The following ULK4 variants were observed in gnomAD, a reference collection of about 807,000 sequenced individuals.
ULK4 encodes the protein inactive serine/threonine-protein kinase ULK4.
A neutral mutation model predicts 160.6 loss-of-function variants in ULK4; 133 were observed. The observed-to-expected ratio is 0.83, with a 90% confidence interval of 0.72 to 0.96. ULK4 has a LOEUF of 0.96. ULK4 is among the 40% of genes least tolerant of loss of function. ULK4 has a pLI of 0.00. For missense variants in ULK4, 1,580 were observed against 1,499.5 expected (o/e 1.05, Z -0.89); for synonymous variants, 534 against 539.8 (o/e 0.99, Z 0.15).
At chr3:41,488,088 C>A (rs943406413) in intron 32 of ULK4, among the ~76,000 whole-genome samples, 1 of 152,140 alleles carries the variant, frequency 6.6e-6, no homozygotes, top group African/African-American at 2.4e-5. Context: ...AGTAGAAATA[C>A]ATGCAAGGCA....
chr3:41,651,866 A>G (rs1362454337), intron 30 of ULK4, among the ~76,000 whole-genome samples: 1 of 152,184 alleles, frequency 6.6e-6, no homozygotes, highest in Admixed American at 6.5e-5. Flanking sequence ...CTAGCTTCCA[A>G]CATAAGCATG....
At chr3:41,370,127 G>C (rs7637424) in intron 35 of ULK4, among the ~76,000 whole-genome samples, 90 of 151,748 alleles carry the variant, frequency 5.9e-4, no homozygotes, top group African/African-American at 2.1e-3. Flanking sequence ...AACCTGCTCA[G>C]AACCATTACA....
At chr3:41,876,851 A>C (rs1697321537) in intron 17 of ULK4, among the ~76,000 whole-genome samples, 1 of 152,198 alleles carries the variant, frequency 6.6e-6, no homozygotes, top group Non-Finnish European at 1.5e-5. Flanking sequence ...CCTTTGGCAC[A>C]AAGGGAGAGA....
intron 34 of ULK4, among the ~76,000 whole-genome samples, chr3:41,413,886 T>TA (rs1235427504): frequency 1.3e-5 from 2 of 152,148 alleles, no homozygotes; most frequent in Non-Finnish European, 2.9e-5. Context: ...GAACTTCAGA[T>TA]AAAAAAATCA....
intron 35 of ULK4, among the ~76,000 whole-genome samples, chr3:41,332,991 A>G (rs1310649582): frequency 6.6e-6 from 1 of 152,260 alleles, no homozygotes; most frequent in African/African-American, 2.4e-5. Flanking sequence ...ATGTTTTTCC[A>G]ACAAAGCATT....
intron 21 of ULK4, among the ~76,000 whole-genome samples, chr3:41,763,865 T>C (rs1393687482): frequency 3.3e-5 from 5 of 152,366 alleles, no homozygotes; most frequent in African/African-American, 7.2e-5. Context: ...ACATTTATTA[T>C]TGTCTTTTTC....
At chr3:41,771,462 T>C (rs2039371195) in intron 21 of ULK4, among the ~76,000 whole-genome samples, 1 of 152,196 alleles carries the variant, frequency 6.6e-6, no homozygotes, top group African/African-American at 2.4e-5. Context: ...ATTTATGATT[T>C]GTACATTCTA....
At chr3:41,279,155 G>C (rs2079291812) in intron 35 of ULK4, among the ~76,000 whole-genome samples, 1 of 147,988 alleles carries the variant, frequency 6.8e-6, no homozygotes, top group Non-Finnish European at 1.5e-5. Flanking sequence ...GCATGCACGA[G>C]TTTAAATAGC....
chr3:41,643,385 G>T (rs1192648171), intron 30 of ULK4, among the ~76,000 whole-genome samples: 1 of 152,176 alleles, frequency 6.6e-6, no homozygotes, highest in East Asian at 1.9e-4. Context: ...GTAAGGAAGG[G>T]AACCAGTGTC....
chr3:41,739,082 T>C lies in ULK4; in HGVS notation c.2321+15279A>G, dbSNP rs117195185. ...TCCTGATAGAGAATAAACATTACGA[T>C]TGAAACCAAATGATCACATGATATG... On this transcript the variant is annotated intron_variant, in intron 22 of 36. Transcript: ENST00000301831. Among the ~76,000 whole-genome samples, 84 of 152,088 alleles carry C rather than the reference T, an allele frequency of 5.5e-4. No individual in the cohort carries two copies. In the East Asian group the frequency reaches 0.015, roughly 28 times the overall value.
intron 27 of ULK4, among the ~76,000 whole-genome samples, chr3:41,696,060 C>T (rs991504712): frequency 2.0e-5 from 3 of 152,148 alleles, no homozygotes; most frequent in Admixed American, 6.5e-5. Flanking sequence ...GCAGTAGCCT[C>T]AGTGTCAAGG....
In ULK4 at chr3:41,360,255, G is replaced by A. The variant is rs183902127; in HGVS notation, c.3678+37824C>T. Among the ~76,000 whole-genome samples, 774 of 152,234 alleles carry A rather than the reference G, an allele frequency of 5.1e-3. 8 individuals are homozygous for A. The highest frequency in any genetic ancestry group is 0.017 in the African/African-American group (726 of 41,542). On this transcript the variant is annotated intron_variant, in intron 35 of 36. Transcript: ENST00000301831. ...CAGTCAGAATGGCTACTATTAAAAA[G>A]TCAAAAAACAACAATGCTGGTGAGG...
chr3:41,463,555 C>T (rs1369768929), intron 32 of ULK4, among the ~76,000 whole-genome samples: 1 of 152,208 alleles, frequency 6.6e-6, no homozygotes, highest in African/African-American at 2.4e-5. Context: ...GGTCTGAGGA[C>T]TCCCTGGCAC....
At chr3:41,690,233 C>T (rs1185939745) in intron 27 of ULK4, among the ~76,000 whole-genome samples, 3 of 150,808 alleles carry the variant, frequency 2.0e-5, no homozygotes, top group East Asian at 1.9e-4. Context: ...TAGGTGGGAA[C>T]TGAACAATGA....
chr3:41,743,954 A>G (rs1293494377), intron 22 of ULK4, among the ~76,000 whole-genome samples: 1 of 151,950 alleles, frequency 6.6e-6, no homozygotes, highest in Non-Finnish European at 1.5e-5. Flanking sequence ...AAAAGAAAGT[A>G]GGGAAAATAA....
In ULK4 at chr3:41,246,789, A is replaced by C. The variant is rs1459277009; in HGVS notation, c.*140T>G. Reference sequence around the variant, plus strand: ...CCTGGGGTTAGTGAGCACTTGGGCCACCAGGTTCTGGGTTAAGCTGACTTT... The same window carrying C: ...CCTGGGGTTAGTGAGCACTTGGGCCCCCAGGTTCTGGGTTAAGCTGACTTT... On this transcript the variant is annotated 3_prime_UTR_variant, in exon 37 of 37. Transcript: ENST00000301831. 2.0e-6 allele frequency: 2 copies of C among 996,252 alleles called. No individual in the cohort carries two copies. The highest frequency in any genetic ancestry group is 5.3e-5 in the East Asian group (2 of 37,386). 61.7% of individuals were successfully genotyped at this position (996,252 alleles called of 1,614,324 possible). A position where few individuals can be genotyped will look rare whatever the true frequency, so the allele number is the denominator to read the frequency against.
chr3:41,301,625 A>G (rs1225410762), intron 35 of ULK4, among the ~76,000 whole-genome samples: 1 of 152,228 alleles, frequency 6.6e-6, no homozygotes, highest in Non-Finnish European at 1.5e-5. Context: ...ACATCTGAGG[A>G]AATGCATTTA....
chr3:41,351,414 GAGGAATACACC>G (rs1289174647), intron 35 of ULK4, among the ~76,000 whole-genome samples: 1 of 152,184 alleles, frequency 6.6e-6, no homozygotes, highest in Non-Finnish European at 1.5e-5. Context: ...GCTGGTTTCT[GAGGAATACACC>G]AGGAATTTTA....
intron 35 of ULK4, among the ~76,000 whole-genome samples, chr3:41,353,301 C>T (rs2080948425): frequency 6.6e-6 from 1 of 152,098 alleles, no homozygotes; most frequent in Admixed American, 6.6e-5. Context: ...TTCAGAGGGC[C>T]AGTGATATAG....
Sources: allele counts gnomAD v4.1 joint callset (sites outside exome capture counted in the v4.1 genomes callset), GRCh38; gene constraint gnomAD v4.1.1; transcripts MANE v1.5; gene names NCBI Gene and HGNC (gene_info 2026-07-23, HGNC 2026-07-21).